Variants in PABPC4L observed in about 807,000 individuals in gnomAD.
The protein encoded by PABPC4L is poly(A) binding protein cytoplasmic 4 like.
For missense variants in PABPC4L, 452 were observed against 451.4 expected (o/e 1.00, Z -0.01); for synonymous variants, 169 against 164.1 (o/e 1.03, Z -0.23).
the PABPC4L span, among the ~76,000 whole-genome samples, chr4:134,041,848 C>T: frequency 6.6e-6 from 1 of 152,090 alleles, no homozygotes; most frequent in Non-Finnish European, 1.5e-5. Flanking sequence ...AATACAATCT[C>T]TATGGAAAAC....
At chr4:134,178,891 G>A in the PABPC4L span, among the ~76,000 whole-genome samples, 9 of 152,028 alleles carry the variant, frequency 5.9e-5, no homozygotes, top group African/African-American at 1.9e-4. Flanking sequence ...GAAAAAAATG[G>A]GATTATGTAA....
the PABPC4L span, among the ~76,000 whole-genome samples, chr4:134,155,508 C>T: frequency 2.6e-4 from 39 of 151,310 alleles, 1 homozygote; most frequent in South Asian, 3.7e-3. Flanking sequence ...TGTCTATCTT[C>T]CCCATTGCTC....
the PABPC4L span, among the ~76,000 whole-genome samples, chr4:134,153,554 C>T: frequency 6.6e-6 from 1 of 152,060 alleles, no homozygotes; most frequent in South Asian, 2.1e-4. Context: ...ATAAGGGTCA[C>T]CTTAGCTAAA....
the PABPC4L span, among the ~76,000 whole-genome samples, chr4:134,064,285 A>T: frequency 6.6e-6 from 1 of 152,032 alleles, no homozygotes; most frequent in East Asian, 1.9e-4. Context: ...CCCAAGTAGG[A>T]TTTATGAAAT....
chr4:134,035,439 A>C, the PABPC4L span, among the ~76,000 whole-genome samples: 1 of 106,746 alleles, frequency 9.4e-6, no homozygotes, highest in Admixed American at 8.6e-5. Context: ...TTAAGCTAAA[A>C]TAATCAAGTA....
the PABPC4L span, among the ~76,000 whole-genome samples, chr4:134,157,887 G>A: frequency 6.6e-6 from 1 of 151,070 alleles, no homozygotes; most frequent in African/African-American, 2.4e-5. Flanking sequence ...AATATATTTG[G>A]CCTCCATTCT....
At chr4:133,971,106 CTTTTTTTT>C in the PABPC4L span, among the ~76,000 whole-genome samples, 1 of 63,972 alleles carries the variant, frequency 1.6e-5, no homozygotes, top group Non-Finnish European at 2.7e-5. Flanking sequence ...ATCTTATATT[CTTTTTTTT>C]TTTTTTTTTT....
chr4:134,124,948 T>C, the PABPC4L span, among the ~76,000 whole-genome samples: 1 of 152,104 alleles, frequency 6.6e-6, no homozygotes. Context: ...CAATAACTGG[T>C]ACTGTGTCAT....
the PABPC4L span, among the ~76,000 whole-genome samples, chr4:134,152,657 G>C: frequency 1.2e-4 from 18 of 152,298 alleles, no homozygotes; most frequent in Admixed American, 9.8e-4. Context: ...CCATTGCCCA[G>C]TTTCAAAGCT....
the PABPC4L span, among the ~76,000 whole-genome samples, chr4:134,172,973 TA>T: frequency 6.6e-6 from 1 of 151,726 alleles, no homozygotes; most frequent in Non-Finnish European, 1.5e-5. Flanking sequence ...TCAACATCAT[TA>T]ATCATTAGAT....
the PABPC4L span, among the ~76,000 whole-genome samples, chr4:134,119,301 A>C: frequency 6.6e-6 from 1 of 151,758 alleles, no homozygotes; most frequent in East Asian, 1.9e-4. Flanking sequence ...CATTTAAAAC[A>C]TGTTTTCTGA....
At chr4:134,107,819 G>T in the PABPC4L span, among the ~76,000 whole-genome samples, 2 of 151,388 alleles carry the variant, frequency 1.3e-5, no homozygotes, top group African/African-American at 4.8e-5. Flanking sequence ...ACTTCAGCTT[G>T]TTTTAAATAT....
At chr4:134,121,347 T>C in the PABPC4L span, among the ~76,000 whole-genome samples, 1 of 151,706 alleles carries the variant, frequency 6.6e-6, no homozygotes, top group South Asian at 2.1e-4. Flanking sequence ...TTTGTAACAT[T>C]TTATTGAATG....
chr4:134,196,009 T>C (rs1349683675), downstream of PABPC4L, among the ~76,000 whole-genome samples: 1 of 151,440 alleles, frequency 6.6e-6, no homozygotes, highest in Non-Finnish European at 1.5e-5. Context: ...AATTATATTA[T>C]GGGGCATATT....
the PABPC4L span, among the ~76,000 whole-genome samples, chr4:134,050,319 G>C: frequency 6.6e-6 from 1 of 152,080 alleles, no homozygotes; most frequent in African/African-American, 2.4e-5. Flanking sequence ...ATGCCTTGCT[G>C]TTTCTCATGA....
the PABPC4L span, among the ~76,000 whole-genome samples, chr4:134,050,706 C>CAAAAAAAAAAGAAA: frequency 1.2e-5 from 1 of 83,018 alleles, no homozygotes; most frequent in Non-Finnish European, 2.2e-5. Flanking sequence ...CACCGTCTCC[C>CAAAAAAAAAAGAAA]AAAAAAAAAA....
the PABPC4L span, among the ~76,000 whole-genome samples, chr4:134,056,679 C>T: frequency 6.6e-6 from 1 of 151,656 alleles, no homozygotes; most frequent in Non-Finnish European, 1.5e-5. Context: ...ATTTTAGTAT[C>T]CACATATTTA....
At chr4:134,183,123 A>G in the PABPC4L span, among the ~76,000 whole-genome samples, 1 of 152,060 alleles carries the variant, frequency 6.6e-6, no homozygotes, top group African/African-American at 2.4e-5. Context: ...CCAAATGAAT[A>G]TAAATTATTC....
the PABPC4L span, among the ~76,000 whole-genome samples, chr4:134,161,685 C>G: frequency 2.6e-5 from 4 of 152,134 alleles, no homozygotes; most frequent in East Asian, 7.7e-4. Context: ...TCTTCAGTCT[C>G]AAAGAATAGG....
Sources: allele counts gnomAD v4.1 joint callset (sites outside exome capture counted in the v4.1 genomes callset), GRCh38; gene constraint gnomAD v4.1.1; transcripts MANE v1.5; gene names NCBI Gene and HGNC (gene_info 2026-07-23, HGNC 2026-07-21).